The following DAB1 variants were observed in gnomAD, a reference collection of about 807,000 sequenced individuals.
The protein encoded by DAB1 is disabled homolog 1.
Under a neutral mutation model 64.6 loss-of-function variants are expected in DAB1, and 15 were observed. The observed-to-expected ratio is 0.23, with a 90% confidence interval of 0.16 to 0.36. The LOEUF (loss-of-function observed/expected upper bound fraction) is 0.36, where lower values mean the gene tolerates loss of function less well. Ranked by LOEUF, DAB1 falls within the 10% of genes least tolerant of loss-of-function variation. The pLI, the probability that DAB1 is intolerant of heterozygous loss-of-function variation, is 1.00. For synonymous variants in DAB1, 235 were observed against 251.9 expected (o/e 0.93, Z 0.64); for missense variants, 596 against 706.7 (o/e 0.84, Z 1.78).
intron 5 of DAB1, among the ~76,000 whole-genome samples, chr1:57,931,502 G>A (rs923134227): frequency 1.3e-5 from 2 of 152,176 alleles, no homozygotes; most frequent in African/African-American, 4.8e-5. Flanking sequence ...TGTTTCGCAA[G>A]GTTATTGTTG....
At chr1:57,326,666 A>T (rs1558171854) in intron 1 of DAB1, among the ~76,000 whole-genome samples, 1 of 152,272 alleles carries the variant, frequency 6.6e-6, no homozygotes, top group East Asian at 1.9e-4. Context: ...TTAGTTCCTG[A>T]TGAGGGTCTT....
intron 6 of DAB1, among the ~76,000 whole-genome samples, chr1:57,746,820 T>A (rs771978229): frequency 2.6e-5 from 4 of 152,200 alleles, no homozygotes; most frequent in Non-Finnish European, 5.9e-5. Context: ...CTGTGATTGG[T>A]TGAACCCATG....
intron 6 of DAB1, among the ~76,000 whole-genome samples, chr1:57,809,795 A>G (rs1415558503): frequency 1.3e-5 from 2 of 152,208 alleles, no homozygotes; most frequent in Admixed American, 1.3e-4. Context: ...GGAAGGAGAA[A>G]GAGAAAATTA....
At chr1:57,808,759 C>G (rs147846529) in intron 6 of DAB1, among the ~76,000 whole-genome samples, 1 of 152,252 alleles carries the variant, frequency 6.6e-6, no homozygotes, top group Admixed American at 6.5e-5. Context: ...CTTTCACATG[C>G]GTTATCTCAT....
chr1:57,309,109 G>A (rs939548214), intron 1 of DAB1, among the ~76,000 whole-genome samples: 5 of 152,278 alleles, frequency 3.3e-5, no homozygotes, highest in African/African-American at 1.2e-4. Context: ...GTGGTCCAAG[G>A]ATATTCTTCT....
chr1:57,228,902 C>G (rs1390081569), intron 2 of DAB1, among the ~76,000 whole-genome samples: 1 of 152,078 alleles, frequency 6.6e-6, no homozygotes, highest in Non-Finnish European at 1.5e-5. Flanking sequence ...GAATAAACTA[C>G]TTACATCAAC....
intron 1 of DAB1, among the ~76,000 whole-genome samples, chr1:57,882,389 TCCTAGA>T (rs1644158641): frequency 6.6e-6 from 1 of 152,014 alleles, no homozygotes; most frequent in African/African-American, 2.4e-5. Context: ...CTTCTCAGAG[TCCTAGA>T]CTATGGAACA....
intron 6 of DAB1, among the ~76,000 whole-genome samples, chr1:57,797,416 A>G (rs1255214593): frequency 6.6e-6 from 1 of 152,232 alleles, no homozygotes; most frequent in African/African-American, 2.4e-5. Context: ...AAGTCAAGAG[A>G]TTAATAATAC....
At chr1:58,439,605 C>CTA (rs1463463971) in intron 3 of DAB1, among the ~76,000 whole-genome samples, 2 of 152,146 alleles carry the variant, frequency 1.3e-5, no homozygotes, top group African/African-American at 2.4e-5. Flanking sequence ...ATTTTACATG[C>CTA]TATTTATTTA....
chr1:57,085,671 G>T (rs558199418), intron 4 of DAB1, among the ~76,000 whole-genome samples: 24 of 152,302 alleles, frequency 1.6e-4, no homozygotes, highest in Admixed American at 6.5e-4. Flanking sequence ...CCCTTCATGT[G>T]TATAATTACC....
At chr1:57,536,985 G>T (rs543319639) in intron 7 of DAB1, among the ~76,000 whole-genome samples, 1 of 152,272 alleles carries the variant, frequency 6.6e-6, no homozygotes, top group African/African-American at 2.4e-5. Context: ...GTGTGGTCTG[G>T]AGTTCTAAGT....
chr1:57,184,764 G>C (rs575430246), intron 2 of DAB1, among the ~76,000 whole-genome samples: 2 of 152,200 alleles, frequency 1.3e-5, no homozygotes, highest in South Asian at 4.2e-4. Flanking sequence ...CACACACACA[G>C]AGATACACAC....
intron 5 of DAB1, among the ~76,000 whole-genome samples, chr1:58,092,931 C>T (rs1415800707): frequency 6.6e-6 from 1 of 152,156 alleles, no homozygotes; most frequent in Admixed American, 6.5e-5. Context: ...CACTCTGCAG[C>T]CAGAGTAACG....
intron 7 of DAB1, among the ~76,000 whole-genome samples, chr1:57,430,067 G>A (rs143715017): frequency 0.013 from 1,936 of 152,160 alleles, 32 homozygotes; most frequent in African/African-American, 0.044. Context: ...TCTATCAATT[G>A]CTTTGGATAG....
At chr1:57,880,842 C>T (rs1341258796) in intron 1 of DAB1, 1 of 152,174 alleles carries the variant, frequency 6.6e-6, no homozygotes, top group East Asian at 1.9e-4. Flanking sequence ...AGTATCAAAA[C>T]ACCCATTAAA....
intron 1 of DAB1, among the ~76,000 whole-genome samples, chr1:58,528,769 A>G (rs1646389304): frequency 6.6e-6 from 1 of 152,174 alleles, no homozygotes; most frequent in South Asian, 2.1e-4. Context: ...CACTATCAAC[A>G]TTCCTCTCTG....
intron 3 of DAB1, among the ~76,000 whole-genome samples, chr1:58,463,101 A>C (rs1645259909): frequency 6.6e-6 from 1 of 152,254 alleles, no homozygotes; most frequent in African/African-American, 2.4e-5. Flanking sequence ...ATACGAAACA[A>C]GTCTAAGAAC....
rs1553144211 is a variant in DAB1 at position 57,116,480 on chromosome 1, A to AAAAAG, written c.306+20062_306+20063insCTTTT. Among the ~76,000 whole-genome samples, 254 of 131,228 alleles carry AAAAAG rather than the reference A, an allele frequency of 1.9e-3. 4 individuals carry two copies. The highest frequency in any genetic ancestry group is 0.012 in the East Asian group (43 of 3,488). 86.1% of individuals were successfully genotyped at this position (131,228 alleles called of 152,430 possible). ...CTGTCTCAAAAAAAAAAAAAAAAAA[A>AAAAAG]AAAGAAAGAAAGCAGGTTGGGAGAA... is the stretch of plus-strand genomic sequence containing the variant. On this transcript the variant is annotated intron_variant, in intron 4 of 14. Coordinates refer to ENST00000371236, the MANE Select transcript of DAB1 (RefSeq NM_001365792.1).
chr1:57,598,029 C>T (rs988252158), intron 7 of DAB1, among the ~76,000 whole-genome samples: 4 of 152,176 alleles, frequency 2.6e-5, no homozygotes, highest in African/African-American at 9.7e-5. Context: ...GTCACCCAGG[C>T]TGCAGTGCAG....
Sources: gnomAD v4.1 joint callset for allele counts (sites outside exome capture counted in the v4.1 genomes callset) on GRCh38, gnomAD v4.1.1 for gene constraint, MANE v1.5 for transcripts, NCBI Gene and HGNC (gene_info 2026-07-23, HGNC 2026-07-21) for gene names.